GRID2: variants seen among roughly 807,000 people sequenced by gnomAD.
GRID2 encodes glutamate ionotropic receptor delta type subunit 2, also known as glutamate receptor ionotropic, delta-2.
Under a neutral mutation model 114.8 loss-of-function variants are expected in GRID2, and 33 were observed. That is an observed-to-expected ratio of 0.29 (90% CI 0.22 to 0.38). The LOEUF is 0.38. Ranked by LOEUF, GRID2 falls within the 10% of genes least tolerant of loss-of-function variation. The probability of loss-of-function intolerance (pLI) is 1.00; values close to 1 mark genes in which losing one functional copy is unlikely to be tolerated. For missense variants in GRID2, 1,184 were observed against 1,257.7 expected (o/e 0.94, Z 0.89); for synonymous variants, 505 against 449.9 (o/e 1.12, Z -1.55).
intron 13 of GRID2, among the ~76,000 whole-genome samples, chr4:93,597,787 T>G (rs1739250643): frequency 6.6e-6 from 1 of 152,224 alleles, no homozygotes; most frequent in African/African-American, 2.4e-5. Flanking sequence ...TCAACGAAAA[T>G]CCTTGCCTAC....
At chr4:93,784,071 C>CA (rs70942993) in intron 1 of GRID2, among the ~76,000 whole-genome samples, 18,605 of 38,956 alleles carry the variant, frequency 0.48, 6,454 homozygotes, top group East Asian at 0.74. Context: ...GACTCCGTCT[C>CA]AAAAAAAAAA....
intron 2 of GRID2, among the ~76,000 whole-genome samples, chr4:92,860,857 T>C (rs1578330281): frequency 6.6e-6 from 1 of 152,074 alleles, no homozygotes; most frequent in Non-Finnish European, 1.5e-5. Context: ...ACATGTTTCT[T>C]ATCCTTTACG....
intron 14 of GRID2, among the ~76,000 whole-genome samples, chr4:93,672,895 T>C (rs1724550594): frequency 6.6e-6 from 1 of 152,202 alleles, no homozygotes; most frequent in South Asian, 2.1e-4. Context: ...TTTAAAAAAG[T>C]TGAATGTAAA....
chr4:92,561,243 A>C (rs1276782185), intron 1 of GRID2, among the ~76,000 whole-genome samples: 1 of 152,222 alleles, frequency 6.6e-6, no homozygotes, highest in Non-Finnish European at 1.5e-5. Context: ...TTTAAAACTG[A>C]ACATTTCTTA....
chr4:93,346,418 G>T (rs1367800823), intron 8 of GRID2, among the ~76,000 whole-genome samples: 2 of 152,110 alleles, frequency 1.3e-5, no homozygotes, highest in African/African-American at 4.8e-5. Context: ...CTCCAAAACA[G>T]CATTTCCTCC....
At chr4:92,974,531 A>T (rs577137377) in intron 2 of GRID2, among the ~76,000 whole-genome samples, 7 of 152,210 alleles carry the variant, frequency 4.6e-5, no homozygotes, top group Non-Finnish European at 1.0e-4. Flanking sequence ...GTTAATGTCC[A>T]TTGCAGGGAC....
intron 1 of GRID2, among the ~76,000 whole-genome samples, chr4:92,355,919 T>C (rs1728295648): frequency 6.6e-6 from 1 of 151,756 alleles, no homozygotes; most frequent in Admixed American, 6.6e-5. Flanking sequence ...GTTAACTATA[T>C]GCAAAAGTTG....
At chr4:93,712,451 T>C (rs1240364992) in intron 14 of GRID2, among the ~76,000 whole-genome samples, 1 of 152,130 alleles carries the variant, frequency 6.6e-6, no homozygotes, top group Non-Finnish European at 1.5e-5. Flanking sequence ...TCCCATTGAG[T>C]TATATCCCAC....
chr4:93,589,455 T>C (rs1228349364), intron 13 of GRID2, among the ~76,000 whole-genome samples: 14 of 152,056 alleles, frequency 9.2e-5, no homozygotes, highest in Non-Finnish European at 1.2e-4. Context: ...TCTATCATTG[T>C]TGGACATTTG....
intron 1 of GRID2, among the ~76,000 whole-genome samples, chr4:92,516,435 C>G (rs1724505367): frequency 6.6e-6 from 1 of 151,720 alleles, no homozygotes; most frequent in African/African-American, 2.4e-5. Flanking sequence ...CAGCTTTGAC[C>G]CAGAGTTGAC....
chr4:93,760,563 G>A (rs1276382458), intron 14 of GRID2, among the ~76,000 whole-genome samples: 1 of 152,096 alleles, frequency 6.6e-6, no homozygotes, highest in Non-Finnish European at 1.5e-5. Flanking sequence ...CCCTGCAGTG[G>A]GGAGCTGGGC....
At chr4:92,613,362 A>G (rs1729846147) in intron 2 of GRID2, among the ~76,000 whole-genome samples, 1 of 151,334 alleles carries the variant, frequency 6.6e-6, no homozygotes, top group Non-Finnish European at 1.5e-5. Context: ...TATTCATGAG[A>G]TATATTGATC....
chr4:92,781,219 C>T (rs1739057917), intron 2 of GRID2, among the ~76,000 whole-genome samples: 2 of 152,046 alleles, frequency 1.3e-5, no homozygotes, highest in Non-Finnish European at 2.9e-5. Flanking sequence ...GCACTCCAGC[C>T]TGGGTGACAG....
chr4:92,655,530 A>T (rs150214628), intron 2 of GRID2, among the ~76,000 whole-genome samples: 2 of 151,780 alleles, frequency 1.3e-5, no homozygotes, highest in African/African-American at 4.8e-5. Context: ...TTCCATTTCT[A>T]TGTGTCCTTT....
intron 1 of GRID2, among the ~76,000 whole-genome samples, chr4:92,311,675 C>T (rs937364654): frequency 6.6e-6 from 1 of 151,858 alleles, no homozygotes; most frequent in Non-Finnish European, 1.5e-5. Context: ...AAGATATTTG[C>T]TTCATTAATA....
chr4:92,928,569 T>A (rs769558582), intron 2 of GRID2, among the ~76,000 whole-genome samples: 1 of 151,682 alleles, frequency 6.6e-6, no homozygotes, highest in African/African-American at 2.4e-5. Flanking sequence ...CTTGCCTTTA[T>A]TGAACTTACA....
chr4:92,515,663 T>C (rs1007426543), intron 1 of GRID2, among the ~76,000 whole-genome samples: 1 of 152,056 alleles, frequency 6.6e-6, no homozygotes, highest in Non-Finnish European at 1.5e-5. Context: ...CCTTGGGTAT[T>C]GTAGAAGTAT....
chr4:92,914,976 T>C (rs1419441178), intron 2 of GRID2, among the ~76,000 whole-genome samples: 1 of 152,034 alleles, frequency 6.6e-6, no homozygotes, highest in East Asian at 1.9e-4. Context: ...CCAGACTGGG[T>C]AATATAAAGG....
chr4:92,458,909 C>T (rs1445166804), intron 1 of GRID2, among the ~76,000 whole-genome samples: 1 of 152,178 alleles, frequency 6.6e-6, no homozygotes, highest in East Asian at 1.9e-4. Flanking sequence ...GTAGAGACTT[C>T]ATTCTTCCAT....
Sources: gnomAD v4.1 joint callset for allele counts (sites outside exome capture counted in the v4.1 genomes callset) on GRCh38, gnomAD v4.1.1 for gene constraint, MANE v1.5 for transcripts, NCBI Gene and HGNC (gene_info 2026-07-23, HGNC 2026-07-21) for gene names.